MLLT10: variants seen among roughly 807,000 people sequenced by gnomAD.
The protein encoded by MLLT10 is MLLT10 histone lysine methyltransferase DOT1L cofactor, also known as protein AF-10.
MLLT10 carries 30 observed loss-of-function variants against 129.1 expected under a neutral mutation model. The observed-to-expected ratio is 0.23, with a 90% CI of 0.17 to 0.32. The LOEUF (loss-of-function observed/expected upper bound fraction) is 0.32, where lower values mean the gene tolerates loss of function less well. MLLT10 is among the 10% of genes least tolerant of loss of function. MLLT10 has a pLI of 1.00. For missense variants in MLLT10, 1,119 were observed against 1,268.3 expected (o/e 0.88, Z 1.79); for synonymous variants, 490 against 446.4 (o/e 1.10, Z -1.23).
At position 21,588,510 on chromosome 10, in the gene MLLT10, C is replaced by T. The variant is rs1261999198; in HGVS notation, c.295+2162C>T. 2.0e-5 allele frequency among the ~76,000 whole-genome samples: 3 copies of T among 152,066 alleles called. No homozygotes were observed. In the East Asian group the frequency reaches 5.8e-4, roughly 29 times the overall value. On this transcript the variant is annotated intron_variant, in intron 4 of 22. Transcript: ENST00000307729. The stretch of plus-strand genomic sequence containing the variant: ...GTATGTATGTCATTTTGCTTGTATA[C>T]AAGTATATCTATAGGATTATTAATT...
chr10:21,667,536 A>T (rs1589532311), intron 9 of MLLT10, among the ~76,000 whole-genome samples: 3 of 144,928 alleles, frequency 2.1e-5, no homozygotes, highest in African/African-American at 5.1e-5. Context: ...TTTTTAATGT[A>T]CTCATTCTTT....
At chr10:21,656,089 A>G (rs1276403278) in intron 9 of MLLT10, among the ~76,000 whole-genome samples, 1 of 152,072 alleles carries the variant, frequency 6.6e-6, no homozygotes, top group Non-Finnish European at 1.5e-5. Context: ...TGAGGCCTTG[A>G]GTGTTTGAAG....
chr10:21,676,879 A>G (rs1224949549), intron 11 of MLLT10, among the ~76,000 whole-genome samples: 1 of 152,172 alleles, frequency 6.6e-6, no homozygotes, highest in Non-Finnish European at 1.5e-5. Context: ...CTTAGTGCAG[A>G]ACATTTATTG....
Position 21,534,246 on chromosome 10 carries a change from A to G in MLLT10, c.-275A>G, listed in dbSNP as rs929551170. 12 of 395,528 alleles carry G rather than the reference A, an allele frequency of 3.0e-5. No individual in the cohort carries two copies. In the Admixed American group the frequency reaches 3.6e-4, roughly 12 times the overall value. The allele number at this position is 395,528 out of a possible 1,614,324, so 24.5% of individuals were successfully genotyped here. ...GCAGGACGGGCGCGCACGCCAAGTGACGCTCCGAGGAGGAAGCGCAGCCCC... is the reference window on the plus strand; with the variant it reads ...GCAGGACGGGCGCGCACGCCAAGTGGCGCTCCGAGGAGGAAGCGCAGCCCC... On this transcript the variant is annotated 5_prime_UTR_variant, in exon 1 of 23. Transcript: ENST00000307729.
intron 4 of MLLT10, among the ~76,000 whole-genome samples, chr10:21,587,465 AT>A (rs1395251713): frequency 6.7e-6 from 1 of 149,394 alleles, no homozygotes; most frequent in East Asian, 2.0e-4. Flanking sequence ...TCTGTATCAC[AT>A]TTTGGTATGC....
Position 21,735,172 on chromosome 10 carries a change from A to C in MLLT10, c.2892A>C (p.Gln964His). 6.2e-7 allele frequency: 1 copy of C among 1,614,050 alleles called. No individual in the cohort carries two copies. The change falls in exon 21 of 23, where the codon CAA (glutamine) becomes CAC (histidine). Residue 964 changes from glutamine to histidine, a missense_variant. By Grantham distance (24) the Gln-to-His change is conservative. Transcript: ENST00000307729. ...ASGLGLLSDQ[Q>H]RQILIHQQQF... is the part of the protein sequence containing the mutation. The stretch of plus-strand genomic sequence containing the variant: ...GACTAGGATTACTTTCTGACCAGCA[A>C]CGACAAATACTTATTCATCAACAGC...
chr10:21,683,664 G>A (rs1451599733), intron 13 of MLLT10, among the ~76,000 whole-genome samples: 1 of 152,070 alleles, frequency 6.6e-6, no homozygotes, highest in East Asian at 1.9e-4. Flanking sequence ...AGGCTTCGCT[G>A]GAAAAATTTG....
intron 3 of MLLT10, among the ~76,000 whole-genome samples, chr10:21,546,988 C>T (rs1417211663): frequency 6.6e-6 from 1 of 151,900 alleles, no homozygotes; most frequent in East Asian, 1.9e-4. Flanking sequence ...GTCCCAAAGT[C>T]CTGGGATTAC....
chr10:21,574,133 A>C (rs1449172269), intron 3 of MLLT10, among the ~76,000 whole-genome samples: 4 of 152,174 alleles, frequency 2.6e-5, no homozygotes, highest in Non-Finnish European at 5.9e-5. Context: ...CTTTTTGGGA[A>C]GGATTTTGAT....
chr10:21,699,516 G>A (rs1261369670), intron 13 of MLLT10, among the ~76,000 whole-genome samples: 3 of 152,060 alleles, frequency 2.0e-5, no homozygotes. Flanking sequence ...CAGGTCTTAT[G>A]TTTAAGTCTG....
At chr10:21,737,829 A>G (rs2058499935) in intron 21 of MLLT10, among the ~76,000 whole-genome samples, 1 of 152,072 alleles carries the variant, frequency 6.6e-6, no homozygotes, top group African/African-American at 2.4e-5. Context: ...TAACATAGAA[A>G]TTACAAAGGC....
chr10:21,534,732 G>GA lies in MLLT10; in HGVS notation c.89dup (p.Asp30GlufsTer43). On this transcript the variant is annotated frameshift_variant, in exon 2 of 23. Coordinates refer to ENST00000307729, the MANE Select transcript of MLLT10 (RefSeq NM_001195626.3). LOFTEE classifies it high-confidence loss of function. ...GATTGGAGGCTGTTGCGTTTGCTCA[G>GA]ACGAGAGAGGCTGGGCCGAGAACCC... is the stretch of plus-strand genomic sequence containing the variant. The GA allele has an allele frequency of 6.2e-7, 1 of 1,613,464 alleles. No individual in the cohort carries two copies. The highest frequency in any genetic ancestry group is 8.5e-7 in the Non-Finnish European group (1 of 1,179,562).
At chr10:21,558,684 C>T (rs925291762) in intron 3 of MLLT10, among the ~76,000 whole-genome samples, 1 of 152,120 alleles carries the variant, frequency 6.6e-6, no homozygotes, top group South Asian at 2.1e-4. Flanking sequence ...TTGTGCCCAA[C>T]CTCTTTTCAA....
At chr10:21,663,443 C>T (rs1020437723) in intron 9 of MLLT10, among the ~76,000 whole-genome samples, 1 of 149,800 alleles carries the variant, frequency 6.7e-6, no homozygotes, top group Non-Finnish European at 1.5e-5. Context: ...ATGGTGTGAT[C>T]TCGGCTCACT....
intron 3 of MLLT10, among the ~76,000 whole-genome samples, chr10:21,541,850 G>T (rs764450947): frequency 4.6e-5 from 7 of 152,136 alleles, no homozygotes; most frequent in African/African-American, 9.7e-5. Context: ...ATATGTTTTG[G>T]TTGTGTGTGA....
intron 11 of MLLT10, among the ~76,000 whole-genome samples, chr10:21,680,403 G>A (rs1425209308): frequency 3.3e-5 from 5 of 151,490 alleles, no homozygotes; most frequent in Non-Finnish European, 7.4e-5. Context: ...ACGGGGTTTC[G>A]CCTTATTGGG....
At chr10:21,599,005 C>T (rs1024357736) in intron 5 of MLLT10, among the ~76,000 whole-genome samples, 2 of 151,984 alleles carry the variant, frequency 1.3e-5, no homozygotes, top group African/African-American at 4.8e-5. Flanking sequence ...TGGCGAAACC[C>T]CGTCTCTACT....
intron 14 of MLLT10, among the ~76,000 whole-genome samples, chr10:21,717,716 T>TCCTCCTCCTCCTCCTCCTCCTCC (rs2056786442): frequency 5.7e-5 from 1 of 17,464 alleles, no homozygotes; most frequent in Non-Finnish European, 1.1e-4. Flanking sequence ...CCTCCTCCTC[T>TCCTCCTCCTCCTCCTCCTCCTCC]TCCTCCTCCT....
chr10:21,652,294 G>C lies in MLLT10; in HGVS notation c.795+526G>C, dbSNP rs558654353. 2.6e-5 allele frequency among the ~76,000 whole-genome samples: 4 copies of C among 152,270 alleles called. No homozygotes were observed. In the South Asian group the frequency reaches 8.3e-4, roughly 32 times the overall value. ...GCCTGTTGTTAAGTAAGGATAACAA[G>C]TGGGAACCATCATTGAGACAGAGAA... is the stretch of plus-strand genomic sequence containing the variant. On this transcript the variant is annotated intron_variant, in intron 9 of 22. Coordinates refer to ENST00000307729, the MANE Select transcript of MLLT10 (RefSeq NM_001195626.3).
Sources: allele counts gnomAD v4.1 joint callset (sites outside exome capture counted in the v4.1 genomes callset), GRCh38; gene constraint gnomAD v4.1.1; transcripts MANE v1.5; gene names NCBI Gene and HGNC (gene_info 2026-07-23, HGNC 2026-07-21).